Variants in TYRO3 observed in about 807,000 individuals in gnomAD.
TYRO3 encodes the protein TYRO3 protein tyrosine kinase, also known as tyrosine-protein kinase receptor TYRO3.
In TYRO3, 38 loss-of-function variants were observed where a neutral mutation model predicts 95.2. That is an observed-to-expected ratio of 0.40 (90% CI 0.31 to 0.52). The LOEUF is 0.52. Ranked by LOEUF, TYRO3 falls within the 20% of genes least tolerant of loss-of-function variation. The pLI is 0.56. For synonymous variants in TYRO3, 367 were observed against 432.9 expected (o/e 0.85, Z 1.89); for missense variants, 812 against 1,116.4 (o/e 0.73, Z 3.89).
chr15:41,581,342 G>T lies in TYRO3; in HGVS notation c.*3066G>T, dbSNP rs1227869016. ...CTTCTGGCTGAGGGCAGGGGAATAG[G>T]GTGGCTGCTTCTGAAAGCAAATATC... On this transcript the variant is annotated 3_prime_UTR_variant, in exon 19 of 19. Coordinates refer to ENST00000263798, the MANE Select transcript of TYRO3 (RefSeq NM_006293.4). 3 of 153,354 alleles carry T rather than the reference G, an allele frequency of 2.0e-5. No individual in the cohort carries two copies. The highest frequency in any genetic ancestry group is 7.2e-5 in the African/African-American group (3 of 41,390). The allele number at this position is 153,354 out of a possible 1,614,324, so 9.5% of individuals were successfully genotyped here. A position where few individuals can be genotyped will look rare whatever the true frequency, so the allele number is the denominator to read the frequency against.
chr15:41,576,670 A>T (rs57151483), intron 18 of TYRO3, among the ~76,000 whole-genome samples: 2,400 of 28,746 alleles, frequency 0.083, 44 homozygotes, highest in African/African-American at 0.16. Context: ...TTTTTTTTTT[A>T]AAAAAAAAAA....
chr15:41,576,639 G>GCCT (rs2055863504), intron 18 of TYRO3, among the ~76,000 whole-genome samples: 1 of 140,696 alleles, frequency 7.1e-6, no homozygotes, highest in Non-Finnish European at 1.5e-5. Flanking sequence ...TGATTCAGTA[G>GCCT]GTTTCCTTTT....
At chr15:41,562,449 CT>C in intron 3 of TYRO3, 98 bp from the exon 4 acceptor site, 1 of 1,251,404 alleles carries the variant, frequency 8.0e-7, no homozygotes, top group African/African-American at 1.5e-5. Flanking sequence ...CTGTGGGAAC[CT>C]TCTGCGTGGA....
chr15:41,582,328 CAG>C lies in TYRO3; in HGVS notation c.*4053_*4054del, dbSNP rs758819446. Reference sequence around the variant, plus strand: ...AGGAGTTTGAGACCAGCCTGGCTAACAGGGTGAAACCCTGTCTTTACTAAACC... The same window carrying C: ...AGGAGTTTGAGACCAGCCTGGCTAACGGTGAAACCCTGTCTTTACTAAACC... On this transcript the variant is annotated 3_prime_UTR_variant, in exon 19 of 19. Transcript: ENST00000263798. 2.6e-5 allele frequency: 4 copies of C among 152,154 alleles called. No homozygotes were observed. Among genetic ancestry groups the C allele is most frequent in the Non-Finnish European group, 4.4e-5 (3 of 68,052 alleles). 9.4% of individuals were successfully genotyped at this position (152,154 alleles called of 1,614,324 possible).
intron 3 of TYRO3, 21 bp from the exon 4 acceptor site, chr15:41,562,527 C>T (rs2055669965): frequency 1.9e-6 from 3 of 1,610,856 alleles, no homozygotes; most frequent in Non-Finnish European, 1.7e-6. Flanking sequence ...GGGCTCACTC[C>T]TCACTCCCCT....
chr15:41,564,882 A>G (rs2277537), intron 5 of TYRO3, 144 bp from the exon 6 acceptor site: 291,140 of 637,230 alleles, frequency 0.46, 71,051 homozygotes, highest in East Asian at 0.83. Flanking sequence ...TTTGTGTACT[A>G]CTGTGATCCT....
rs773234960 is a variant in TYRO3 at position 41,571,056 on chromosome 15, G to A, written c.1598G>A (p.Arg533Gln). Residue 533 changes from arginine (R) to glutamine (Q), a missense_variant, in exon 13 of 19, where the codon CGG becomes CAG. Coordinates refer to ENST00000263798, the MANE Select transcript of TYRO3 (RefSeq NM_006293.4). Reference protein sequence around the residue: ...MLGKGEFGSVREAQLKQEDGS... With the variant: ...MLGKGEFGSVQEAQLKQEDGS... ...TTCCTAGGAGAGTTTGGTTCAGTGC[G>A]GGAGGCCCAGCTGAAGCAAGAGGAT... The A allele has an allele frequency of 5.0e-6, 8 of 1,613,914 alleles. No individual in the cohort carries two copies. Among genetic ancestry groups the A allele is most frequent in the Non-Finnish European group, 6.8e-6 (8 of 1,179,980 alleles).
intron 18 of TYRO3, 69 bp downstream of exon 18, chr15:41,573,884 A>G (rs2055832293): frequency 8.1e-6 from 11 of 1,357,802 alleles, no homozygotes; most frequent in South Asian, 1.3e-5. Flanking sequence ...GGCTGCCACC[A>G]CAGTTGCCTC....
chr15:41,572,022 A>G (rs2055802921), intron 14 of TYRO3, among the ~76,000 whole-genome samples: 2 of 151,694 alleles, frequency 1.3e-5, no homozygotes, highest in East Asian at 1.9e-4. Context: ...AACAAAAAAC[A>G]TACACACACA....
chr15:41,568,826 G>A (rs982417883), intron 8 of TYRO3, 52 bp from the exon 9 acceptor site: 3 of 1,586,920 alleles, frequency 1.9e-6, no homozygotes, highest in Admixed American at 1.8e-5. Flanking sequence ...GGCCCCAGCT[G>A]GAGGCCTTCT....
chr15:41,562,541 C>T lies in TYRO3; in HGVS notation c.410-7C>T. The T allele has an allele frequency of 7.2e-7, 1 of 1,397,768 alleles. No homozygotes were observed. The highest frequency in any genetic ancestry group is 9.7e-7 in the Non-Finnish European group (1 of 1,026,064). 86.6% of individuals were successfully genotyped at this position (1,397,768 alleles called of 1,614,324 possible). A position where few individuals can be genotyped will look rare whatever the true frequency, so the allele number is the denominator to read the frequency against. On this transcript the variant is annotated splice_polypyrimidine_tract_variant and splice_region_variant and intron_variant, in intron 3 of 18. Coordinates refer to ENST00000263798, the MANE Select transcript of TYRO3 (RefSeq NM_006293.4). Reference sequence around the variant, plus strand: ...AGGGCTCACTCCTCACTCCCCTTCTCTCCTAGGTGTGCCATTTTTCACAGT... The same window carrying T: ...AGGGCTCACTCCTCACTCCCCTTCTTTCCTAGGTGTGCCATTTTTCACAGT...
intron 4 of TYRO3, among the ~76,000 whole-genome samples, chr15:41,563,594 G>A (rs1007358290): frequency 6.6e-6 from 1 of 152,128 alleles, no homozygotes; most frequent in South Asian, 2.1e-4. Flanking sequence ...GCGTGGTTGG[G>A]ACCCTCAGGC....
In TYRO3 at chr15:41,565,091, T is replaced by G; in HGVS notation, c.733T>G (p.Trp245Gly). The change falls in exon 6 of 19, where the codon TGG (tryptophan) becomes GGG (glycine). Residue 245 changes from tryptophan (W) to glycine (G), a missense_variant. Transcript: ENST00000263798. ...KLSSSNASVA[W>G]MPGADGRALL... ...TTCCAGCAGCAACGCTAGTGTGGCC[T>G]GGATGCCAGGTGCTGATGGCCGAGC... is the stretch of plus-strand genomic sequence containing the variant. 6.2e-7 allele frequency: 1 copy of G among 1,613,420 alleles called. No individual in the cohort carries two copies. The highest frequency in any genetic ancestry group is 1.3e-5 in the African/African-American group (1 of 75,038).
rs777569513 is a variant in TYRO3 at position 41,571,129 on chromosome 15, GA to G, written c.1660+12del. 10 of 1,321,630 alleles carry G rather than the reference GA, an allele frequency of 7.6e-6. No homozygotes were observed. The Admixed American group carries it at 1.8e-4, about 23-fold the overall frequency. 81.9% of individuals were successfully genotyped at this position (1,321,630 alleles called of 1,614,324 possible). ...TGAAGATGCTGAAAGGTGAGTGGGG[GA>G]TAGCTGTAGCCTGAGGGCATCACTT... On this transcript the variant is annotated intron_variant, in intron 13 of 18. Coordinates refer to ENST00000263798, the MANE Select transcript of TYRO3 (RefSeq NM_006293.4).
At chr15:41,567,285 C>G (rs890755881) in intron 6 of TYRO3, 75 bp from the exon 7 acceptor site, 5 of 1,298,930 alleles carry the variant, frequency 3.8e-6, no homozygotes, top group African/African-American at 1.5e-5. Flanking sequence ...ATTCAAGCAC[C>G]CATAACTATA....
At chr15:41,565,211 A>G in intron 6 of TYRO3, 70 bp downstream of exon 6, 2 of 966,292 alleles carry the variant, frequency 2.1e-6, no homozygotes, top group Non-Finnish European at 3.3e-6. Context: ...GGGATATCAC[A>G]CTCACTAGCC....
chr15:41,575,663 G>A (rs912330536), intron 18 of TYRO3, among the ~76,000 whole-genome samples: 4 of 152,224 alleles, frequency 2.6e-5, no homozygotes, highest in Non-Finnish European at 5.9e-5. Flanking sequence ...CATGGGCATA[G>A]GCAAGAGAGT....
At chr15:41,562,163 C>G (rs1271254431) in intron 3 of TYRO3, 1 of 182,960 alleles carries the variant, frequency 5.5e-6, no homozygotes, top group Non-Finnish European at 1.1e-5. Flanking sequence ...CTGTCCAAAT[C>G]TGCCATGCCT....
At position 41,568,986 on chromosome 15, in the gene TYRO3, A is replaced by T; in HGVS notation, c.1216A>T (p.Ser406Cys). 6.2e-7 allele frequency: 1 copy of T among 1,614,110 alleles called. No individual in the cohort carries two copies. Among genetic ancestry groups the T allele is most frequent in the South Asian group, 1.1e-5 (1 of 91,076 alleles). The change falls in exon 9 of 19, where the codon AGT becomes TGT. Residue 406 changes from serine (S) to cysteine (C), a missense_variant. By Grantham distance (112) the Ser-to-Cys change is moderately radical. Coordinates refer to ENST00000263798, the MANE Select transcript of TYRO3 (RefSeq NM_006293.4). ...VSNAVGCGPW[S>C]QPLVVSSHDR... ...CAATGCAGTTGGCTGTGGACCCTGG[A>T]GTCAGCCACTGGTGGTCTCTTCTCA... is the stretch of plus-strand genomic sequence containing the variant.
Sources: allele counts gnomAD v4.1 joint callset (sites outside exome capture counted in the v4.1 genomes callset), GRCh38; gene constraint gnomAD v4.1.1; transcripts MANE v1.5; gene names NCBI Gene and HGNC (gene_info 2026-07-23, HGNC 2026-07-21).